Variants in SCUBE1 observed in about 807,000 individuals in gnomAD.
The protein encoded by SCUBE1 is signal peptide, CUB and EGF-like domain-containing protein 1.
Under a neutral mutation model 124.4 loss-of-function variants are expected in SCUBE1, and 59 were observed. The ratio of observed to expected loss-of-function variants is 0.47; its 90% CI spans 0.38 to 0.59. The LOEUF (loss-of-function observed/expected upper bound fraction) is 0.59. SCUBE1 is among the 20% of genes least tolerant of loss of function. SCUBE1 has a pLI of 0.00. For missense variants in SCUBE1, 1,150 were observed against 1,371.2 expected (o/e 0.84, Z 2.55); for synonymous variants, 545 against 550.9 (o/e 0.99, Z 0.15).
chr22:43,299,192 T>C (rs1925677706), intron 3 of SCUBE1, among the ~76,000 whole-genome samples: 2 of 151,654 alleles, frequency 1.3e-5, no homozygotes, highest in African/African-American at 4.8e-5. Flanking sequence ...TGTTTGGGAG[T>C]CAAAGGAGGT....
intron 2 of SCUBE1, among the ~76,000 whole-genome samples, chr22:43,327,306 A>G (rs1926758862): frequency 6.6e-6 from 1 of 152,204 alleles, no homozygotes; most frequent in African/African-American, 2.4e-5. Flanking sequence ...TTGACTTCAG[A>G]GTTAGTGATG....
At position 43,279,335 on chromosome 22, in the gene SCUBE1, C is replaced by T. The variant is rs568810903; in HGVS notation, c.484+11711G>A. On this transcript the variant is annotated intron_variant, in intron 4 of 21. Coordinates refer to ENST00000360835, the MANE Select transcript of SCUBE1 (RefSeq NM_173050.5). Reference sequence around the variant, plus strand: ...CTCTGGCAGTGCTTCTGACAGTGGCCGCCTCGGTGCATATGCTGTGCAGGG... The same window carrying T: ...CTCTGGCAGTGCTTCTGACAGTGGCTGCCTCGGTGCATATGCTGTGCAGGG... 3.3e-5 allele frequency among the ~76,000 whole-genome samples: 5 copies of T among 152,284 alleles called. No homozygotes were observed. In the South Asian group the frequency reaches 8.3e-4, roughly 25 times the overall value.
intron 10 of SCUBE1, among the ~76,000 whole-genome samples, chr22:43,226,022 C>T (rs1027156264): frequency 2.6e-5 from 4 of 152,174 alleles, no homozygotes; most frequent in Non-Finnish European, 4.4e-5. Context: ...TCCACAAGTA[C>T]GTGATAAACT....
intron 21 of SCUBE1, 82 bp from the exon 22 acceptor site, chr22:43,204,231 G>C: frequency 7.7e-7 from 1 of 1,297,892 alleles, no homozygotes; most frequent in Non-Finnish European, 1.1e-6. Flanking sequence ...GGGGAGGGGA[G>C]AGAGATGCGC....
intron 3 of SCUBE1, among the ~76,000 whole-genome samples, chr22:43,313,737 A>C (rs1926248056): frequency 6.6e-6 from 1 of 152,216 alleles, no homozygotes; most frequent in Non-Finnish European, 1.5e-5. Context: ...CAGAGGACAG[A>C]CTTGGCCACC....
chr22:43,280,904 T>C (rs371284119), intron 4 of SCUBE1, among the ~76,000 whole-genome samples: 1 of 1,600 alleles, frequency 6.3e-4, no homozygotes, highest in East Asian at 0.031. Flanking sequence ...CCTTCTGTCA[T>C]CTCCTCCTCA....
rs371062758 is a variant in SCUBE1, at chr22:43,227,327, A to G, written c.1207+47T>C. The G allele has an allele frequency of 6.3e-6, 10 of 1,582,442 alleles. No individual in the cohort carries two copies. The African/African-American group carries it at 1.2e-4, about 19-fold the overall frequency. The stretch of plus-strand genomic sequence containing the variant: ...AGAAAAGCCACTGTCCCTCCCATCC[A>G]AGCCCAGGTGCAGGGGAGGGGCCAG... On this transcript the variant is annotated intron_variant, in intron 10 of 21. Coordinates refer to ENST00000360835, the MANE Select transcript of SCUBE1 (RefSeq NM_173050.5).
At chr22:43,214,394 TC>T in intron 15 of SCUBE1, 143 bp from the exon 16 acceptor site, 1 of 691,352 alleles carries the variant, frequency 1.4e-6, no homozygotes, top group Non-Finnish European at 2.3e-6. Flanking sequence ...CCCTGACCTA[TC>T]CCAGAAGAGC....
chr22:43,240,604 C>A (rs1027094551), intron 6 of SCUBE1, among the ~76,000 whole-genome samples: 1 of 152,342 alleles, frequency 6.6e-6, no homozygotes, highest in Non-Finnish European at 1.5e-5. Context: ...AGGCAGCCAA[C>A]CCCTTGGGGC....
intron 3 of SCUBE1, among the ~76,000 whole-genome samples, chr22:43,317,465 TC>T (rs1926391484): frequency 6.6e-6 from 1 of 152,194 alleles, no homozygotes; most frequent in African/African-American, 2.4e-5. Context: ...ATTATCTCAG[TC>T]ACTGCTCACG....
intron 4 of SCUBE1, among the ~76,000 whole-genome samples, chr22:43,275,523 G>A (rs1601848086): frequency 6.6e-6 from 1 of 152,204 alleles, no homozygotes; most frequent in South Asian, 2.1e-4. Context: ...TGCCCTTCTT[G>A]GGAGCTCATG....
At position 43,255,534 on chromosome 22, in the gene SCUBE1, C is replaced by T. The variant is rs1455140119; in HGVS notation, c.727+2685G>A. The T allele has an allele frequency of 9.7e-6, 15 of 1,550,482 alleles. No individual in the cohort carries two copies. Among genetic ancestry groups the T allele is most frequent in the Non-Finnish European group, 1.3e-5 (15 of 1,146,998 alleles). Reference sequence around the variant, plus strand: ...CCCGCTTGTCCACATCAGCTACTGACGTGGCATTGAACTGAGAGCGCTCAA... The same window carrying T: ...CCCGCTTGTCCACATCAGCTACTGATGTGGCATTGAACTGAGAGCGCTCAA... On this transcript the variant is annotated intron_variant, in intron 6 of 21. Transcript: ENST00000360835. The surrounding 1 kb of genome is among the most constrained non-coding windows in gnomAD (Gnocchi z 4.7).
chr22:43,267,067 C>T (rs1924098699), intron 4 of SCUBE1, among the ~76,000 whole-genome samples: 1 of 152,190 alleles, frequency 6.6e-6, no homozygotes, highest in South Asian at 2.1e-4. Flanking sequence ...CAGGGAGGGT[C>T]TTGGTAGAGC....
intron 4 of SCUBE1, among the ~76,000 whole-genome samples, chr22:43,279,672 C>T (rs1924683895): frequency 6.6e-6 from 1 of 152,186 alleles, no homozygotes; most frequent in African/African-American, 2.4e-5. Flanking sequence ...ATGGCGTGGG[C>T]AAGGGCATGC....
intron 2 of SCUBE1, among the ~76,000 whole-genome samples, chr22:43,334,435 T>C (rs1187255839): frequency 6.6e-6 from 1 of 152,194 alleles, no homozygotes; most frequent in Non-Finnish European, 1.5e-5. Flanking sequence ...CCAGGAATTG[T>C]TGGAAAAGAC....
At chr22:43,218,847 G>C (rs994198562) in intron 14 of SCUBE1, among the ~76,000 whole-genome samples, 1 of 152,180 alleles carries the variant, frequency 6.6e-6, no homozygotes, top group Non-Finnish European at 1.5e-5. Flanking sequence ...GTCCAGCCCC[G>C]TATGGCCTTG....
chr22:43,328,482 C>G (rs1421861014), intron 2 of SCUBE1, among the ~76,000 whole-genome samples: 1 of 152,212 alleles, frequency 6.6e-6, no homozygotes, highest in Non-Finnish European at 1.5e-5. Flanking sequence ...CCTCCAAGCT[C>G]AGGAGGACAA....
In SCUBE1 at chr22:43,200,323, G is replaced by C. The variant is rs1920982998; in HGVS notation, c.*3674C>G. ...CTGCTCAGGCGACAGTCGAGGAGGG[G>C]CTATGCCGGCCTCCCCTCAGACAGC... On this transcript the variant is annotated 3_prime_UTR_variant, in exon 22 of 22. Transcript: ENST00000360835. 6.6e-6 allele frequency: 1 copy of C among 152,336 alleles called. No homozygotes were observed. The highest frequency in any genetic ancestry group is 1.5e-5 in the Non-Finnish European group (1 of 68,114). 9.4% of individuals were successfully genotyped at this position (152,336 alleles called of 1,614,324 possible). A position where few individuals can be genotyped will look rare whatever the true frequency, so the allele number is the denominator to read the frequency against.
At chr22:43,268,000 G>A (rs1354370489) in intron 4 of SCUBE1, among the ~76,000 whole-genome samples, 1 of 152,214 alleles carries the variant, frequency 6.6e-6, no homozygotes, top group East Asian at 1.9e-4. Context: ...AAAGGACTCT[G>A]TGGGTCTGTG....
Sources: allele counts gnomAD v4.1 joint callset (sites outside exome capture counted in the v4.1 genomes callset), GRCh38; gene constraint gnomAD v4.1.1; non-coding constraint Gnocchi (gnomAD v3.1); transcripts MANE v1.5; gene names NCBI Gene and HGNC (gene_info 2026-07-23, HGNC 2026-07-21).